The following WWC2 variants were observed in gnomAD, a reference collection of about 807,000 sequenced individuals.
The protein encoded by WWC2 is protein WWC2.
WWC2 carries 101 observed loss-of-function variants against 138.5 expected under a neutral mutation model. The observed-to-expected ratio is 0.73, with a 90% CI of 0.62 to 0.86. WWC2 has a LOEUF of 0.86. Among genes scored for constraint, WWC2 ranks in the 40% least tolerant of loss-of-function variants. WWC2 has a pLI of 0.00. For missense variants in WWC2, 1,420 were observed against 1,419.4 expected, an observed-to-expected ratio of 1.00 and a Z score of -0.01; for synonymous variants, 558 against 538.4, an observed-to-expected ratio of 1.04 and a Z score of -0.50.
At position 183,280,798 on chromosome 4, in the gene WWC2, C is replaced by G. The variant is rs375187132; in HGVS notation, c.2585C>G (p.Ala862Gly). 218 of 1,604,424 alleles carry G rather than the reference C, an allele frequency of 1.4e-4. No individual in the cohort carries two copies. The highest frequency in any genetic ancestry group is 1.8e-4 in the Non-Finnish European group (210 of 1,175,504). ...CAGGATGCAGTGTCAGCCTTACTTG[C>G]AAGAACATCAGCTGAGTTGTTAGCT... ...IDLDAVSALL[A>G]RTSAELLAVE... is the part of the protein sequence containing the mutation. The change falls in exon 17 of 23, where the codon GCA becomes GGA. Residue 862 changes from alanine to glycine, a missense_variant. Transcript: ENST00000403733.
At chr4:183,286,897 G>T (rs1010966413) in intron 20 of WWC2, among the ~76,000 whole-genome samples, 2 of 152,086 alleles carry the variant, frequency 1.3e-5, no homozygotes, top group Non-Finnish European at 2.9e-5. Flanking sequence ...GCAGTTGGGG[G>T]GTCTCCACAC....
At chr4:183,271,832 T>C (rs540947164) in intron 16 of WWC2, among the ~76,000 whole-genome samples, 1 of 152,232 alleles carries the variant, frequency 6.6e-6, no homozygotes, top group East Asian at 1.9e-4. Flanking sequence ...AGCAAGACCC[T>C]GTCTCTACAA....
intron 14 of WWC2, among the ~76,000 whole-genome samples, chr4:183,267,765 T>C (rs116681211): frequency 0.023 from 3,488 of 152,298 alleles, 144 homozygotes; most frequent in African/African-American, 0.079. Context: ...CCCCAGCTAA[T>C]GTGCAGGCAC....
rs772749887 is a variant in WWC2 at position 183,284,369 on chromosome 4, G to T, written c.3027G>T (p.Glu1009Asp). The T allele has an allele frequency of 2.5e-6, 4 of 1,613,058 alleles. No individual in the cohort carries two copies. The East Asian group carries it at 8.9e-5, about 36-fold the overall frequency. The change falls in exon 19 of 23, where the codon GAG becomes GAT. Residue 1009 changes from glutamate (E) to aspartate (D), a missense_variant. Physicochemically the swap from Glu to Asp is conservative, Grantham distance 45. Coordinates refer to ENST00000403733, the MANE Select transcript of WWC2 (RefSeq NM_024949.6). ...GCTCACAGACCTTTTCTCCAGGAGA[G>T]CGGAACCAGTACATCTGCAGGGTAA... The part of the protein sequence containing the change: ...IVRSQTFSPG[E>D]RNQYICRLNR...
chr4:183,175,028 C>G (rs1390015423), intron 1 of WWC2, among the ~76,000 whole-genome samples: 1 of 151,948 alleles, frequency 6.6e-6, no homozygotes, highest in African/African-American at 2.4e-5. Context: ...TATATTTTCT[C>G]TCTTGCTGTA....
chr4:183,145,998 A>G (rs1288708316), intron 1 of WWC2, among the ~76,000 whole-genome samples: 1 of 152,210 alleles, frequency 6.6e-6, no homozygotes, highest in East Asian at 1.9e-4. Context: ...ATTTATTATG[A>G]CACATGTAGA....
chr4:183,121,019 C>A (rs1412385948), intron 1 of WWC2, among the ~76,000 whole-genome samples: 3 of 152,278 alleles, frequency 2.0e-5, no homozygotes, highest in African/African-American at 7.2e-5. Context: ...GAGTTTGAGA[C>A]CAGCCTGGAC....
intron 1 of WWC2, among the ~76,000 whole-genome samples, chr4:183,171,533 T>C (rs1734278431): frequency 6.6e-6 from 1 of 152,178 alleles, no homozygotes; most frequent in Admixed American, 6.5e-5. Flanking sequence ...AAATTTGAAA[T>C]CAGTAAATAA....
chr4:183,297,369 G>A (rs1204383869), intron 21 of WWC2, among the ~76,000 whole-genome samples: 3 of 151,832 alleles, frequency 2.0e-5, no homozygotes, highest in African/African-American at 7.3e-5. Flanking sequence ...AAGATCCTAA[G>A]GATCTTTCTG....
At chr4:183,152,083 A>G (rs1234194727) in intron 1 of WWC2, among the ~76,000 whole-genome samples, 13 of 152,248 alleles carry the variant, frequency 8.5e-5, no homozygotes, top group African/African-American at 3.1e-4. Context: ...TCTGGAAAGT[A>G]TCAGTGTAGT....
In WWC2 at chr4:183,099,545, G is replaced by A; in HGVS notation, c.54G>A (p.Glu18=). 1 of 1,421,102 alleles carries A rather than the reference G, an allele frequency of 7.0e-7. No homozygotes were observed. Among genetic ancestry groups the A allele is most frequent in the South Asian group, 1.4e-5 (1 of 70,328 alleles). The allele number at this position is 1,421,102 out of a possible 1,614,324, so 88.0% of individuals were successfully genotyped here. Residue 18 remains glutamate (E), a synonymous_variant, in exon 1 of 23, where the codon GAG becomes GAA. Transcript: ENST00000403733. ...TGCCGCTGCCCCGGGGCTGGGAGGA[G>A]GCCAGGGACTACGACGGCAAGGTCT... ...GQLPLPRGWE[E]ARDYDGKVFY... is the part of the protein sequence containing the mutation.
intron 1 of WWC2, among the ~76,000 whole-genome samples, chr4:183,106,059 A>T (rs1160740435): frequency 6.6e-6 from 1 of 151,386 alleles, no homozygotes; most frequent in Non-Finnish European, 1.5e-5. Flanking sequence ...GGCTCACTAC[A>T]GCCTCCGCCT....
chr4:183,153,714 C>T (rs1333384907), intron 1 of WWC2, among the ~76,000 whole-genome samples: 5 of 147,394 alleles, frequency 3.4e-5, no homozygotes, highest in South Asian at 2.1e-4. Flanking sequence ...GGCGCAATCA[C>T]GGCTCACTGC....
chr4:183,103,522 T>G (rs1210413707), intron 1 of WWC2, among the ~76,000 whole-genome samples: 5 of 151,058 alleles, frequency 3.3e-5, no homozygotes, highest in Non-Finnish European at 5.9e-5. Flanking sequence ...GAAATGGGGT[T>G]TCACCATGTT....
At position 183,247,847 on chromosome 4, in the gene WWC2, A is replaced by G. The variant is rs1256601797; in HGVS notation, c.733-867A>G. 6.8e-5 allele frequency among the ~76,000 whole-genome samples: 10 copies of G among 147,298 alleles called. 1 individual carries two copies. In the Admixed American group the frequency reaches 6.9e-4, roughly 10 times the overall value. The stretch of plus-strand genomic sequence containing the variant: ...GAGAAAATAGAGAAAGTTAGGTAAA[A>G]AATTTCAGATCTCTGATATTTCTAA... On this transcript the variant is annotated intron_variant, in intron 6 of 22. Transcript: ENST00000403733.
chr4:183,253,174 T>C (rs1737029738), intron 8 of WWC2, among the ~76,000 whole-genome samples: 1 of 152,204 alleles, frequency 6.6e-6, no homozygotes, highest in Non-Finnish European at 1.5e-5. Flanking sequence ...CCACTGCACC[T>C]GGCCCAACTG....
chr4:183,248,585 T>C (rs1736869601), intron 6 of WWC2, 129 bp from the exon 7 acceptor site: 1 of 907,428 alleles, frequency 1.1e-6, no homozygotes, highest in African/African-American at 1.7e-5. Context: ...TATAAAATGG[T>C]AAGTACCTAC....
At chr4:183,223,390 T>A (rs1735982900) in intron 4 of WWC2, among the ~76,000 whole-genome samples, 1 of 152,238 alleles carries the variant, frequency 6.6e-6, no homozygotes, top group Non-Finnish European at 1.5e-5. Context: ...ATAGTATAAT[T>A]TTCTCCCATA....
Position 183,157,481 on chromosome 4 carries a change from CT to C in WWC2, c.132-36116del, listed in dbSNP as rs376823882. Among the ~76,000 whole-genome samples the C allele has an allele frequency of 1.6e-3, 240 of 152,200 alleles. 2 individuals carry two copies. The highest frequency in any genetic ancestry group is 5.3e-3 in the African/African-American group (221 of 41,524). ...TTACAGAAATGGGAAGGGGAAAGGA[CT>C]TGTGTGTCACTCAATTTTTTTTTAT... On this transcript the variant is annotated intron_variant, in intron 1 of 22. Transcript: ENST00000403733.
Sources: gnomAD v4.1 joint callset for allele counts (sites outside exome capture counted in the v4.1 genomes callset) on GRCh38, gnomAD v4.1.1 for gene constraint, MANE v1.5 for transcripts, NCBI Gene and HGNC (gene_info 2026-07-23, HGNC 2026-07-21) for gene names.